GNAL: variants seen among roughly 807,000 people sequenced by gnomAD.
The protein encoded by GNAL is G protein subunit alpha L.
GNAL carries 18 observed loss-of-function variants against 55.1 expected under a neutral mutation model. That is an observed-to-expected ratio of 0.33 (90% CI 0.23 to 0.48). GNAL has a LOEUF of 0.48. GNAL is among the 20% of genes least tolerant of loss of function. The pLI, the probability that GNAL is intolerant of heterozygous loss-of-function variation, is 0.99. For missense variants in GNAL, 412 were observed against 614.1 expected (o/e 0.67, Z 3.48); for synonymous variants, 253 against 237.0 (o/e 1.07, Z -0.62).
chr18:11,703,826 CA>C (rs2031641710), intron 1 of GNAL, among the ~76,000 whole-genome samples: 1 of 151,584 alleles, frequency 6.6e-6, no homozygotes. Flanking sequence ...CACACACACA[CA>C]CACACACAGT....
intron 1 of GNAL, among the ~76,000 whole-genome samples, chr18:11,702,635 G>A (rs2031600090): frequency 6.6e-6 from 1 of 152,122 alleles, no homozygotes; most frequent in African/African-American, 2.4e-5. Flanking sequence ...GCTGTCTCAG[G>A]AGCTGTTCTG....
chr18:11,767,718 CTG>C (rs2143239231), intron 4 of GNAL, among the ~76,000 whole-genome samples: 1 of 152,320 alleles, frequency 6.6e-6, no homozygotes, highest in South Asian at 2.1e-4. Context: ...CGCTTGCTGT[CTG>C]TGCACGCTTA....
intron 5 of GNAL, among the ~76,000 whole-genome samples, chr18:11,861,386 T>C (rs969995340): frequency 2.0e-5 from 3 of 152,104 alleles, no homozygotes; most frequent in Admixed American, 6.5e-5. Context: ...CCCTCAATGG[T>C]CACCTGTCCC....
At chr18:11,801,895 G>T (rs989395302) in intron 4 of GNAL, among the ~76,000 whole-genome samples, 4 of 152,108 alleles carry the variant, frequency 2.6e-5, no homozygotes, top group African/African-American at 9.7e-5. Flanking sequence ...AGTTTAAGAT[G>T]TGCATTAGAC....
At chr18:11,863,765 T>C (rs1252516643) in intron 6 of GNAL, among the ~76,000 whole-genome samples, 1 of 152,104 alleles carries the variant, frequency 6.6e-6, no homozygotes, top group African/African-American at 2.4e-5. Context: ...GAAACAGAAA[T>C]GTGCAGGGAA....
At chr18:11,790,664 T>C (rs1310927291) in intron 4 of GNAL, among the ~76,000 whole-genome samples, 2 of 142,664 alleles carry the variant, frequency 1.4e-5, no homozygotes, top group Non-Finnish European at 3.1e-5. Context: ...TTTTTTTCTT[T>C]TTTTTTTTTT....
At chr18:11,716,608 C>G (rs1163078845) in intron 1 of GNAL, among the ~76,000 whole-genome samples, 2 of 152,124 alleles carry the variant, frequency 1.3e-5, no homozygotes, top group Admixed American at 6.5e-5. Flanking sequence ...GGTGCATTTA[C>G]AATCCCTGAG....
chr18:11,827,074 G>GCT (rs1275804018), intron 5 of GNAL, among the ~76,000 whole-genome samples: 1 of 152,192 alleles, frequency 6.6e-6, no homozygotes, highest in African/African-American at 2.4e-5. Context: ...AAGGAGGAGG[G>GCT]CTGATGGTCC....
chr18:11,717,597 A>C (rs761388372), intron 1 of GNAL, among the ~76,000 whole-genome samples: 6 of 152,250 alleles, frequency 3.9e-5, no homozygotes, highest in Non-Finnish European at 5.9e-5. Context: ...ACACCATGGA[A>C]TATTATGCAG....
rs150690965 is a variant in GNAL at position 11,803,224 on chromosome 18, C to T, written c.625-21694C>T. 3.2e-4 allele frequency among the ~76,000 whole-genome samples: 49 copies of T among 152,308 alleles called. No homozygotes were observed. The East Asian group carries it at 8.9e-3, about 28-fold the overall frequency. ...AAAATGAAACTTTGTGCTCATGAGA[C>T]AACTCCCAACTCCTTCCTCCCCACA... On this transcript the variant is annotated intron_variant, in intron 4 of 11. Transcript: ENST00000334049.
chr18:11,721,945 C>G (rs1310364682), intron 1 of GNAL, among the ~76,000 whole-genome samples: 1 of 151,552 alleles, frequency 6.6e-6, no homozygotes, highest in Non-Finnish European at 1.5e-5. Context: ...ATAAAATAGT[C>G]TCACCATAGC....
At chr18:11,856,297 A>G (rs930210686) in intron 5 of GNAL, among the ~76,000 whole-genome samples, 2 of 151,518 alleles carry the variant, frequency 1.3e-5, no homozygotes, top group South Asian at 2.1e-4. Context: ...TGCAAATTCC[A>G]TAGGGAGCCC....
At chr18:11,813,072 G>A (rs2034859774) in intron 4 of GNAL, among the ~76,000 whole-genome samples, 1 of 151,928 alleles carries the variant, frequency 6.6e-6, no homozygotes, top group Admixed American at 6.6e-5. Flanking sequence ...TGGCCAACAT[G>A]CTGAAACCCC....
At chr18:11,774,758 G>A (rs1030803771) in intron 4 of GNAL, among the ~76,000 whole-genome samples, 7 of 152,178 alleles carry the variant, frequency 4.6e-5, no homozygotes, top group Non-Finnish European at 8.8e-5. Flanking sequence ...TAAGAATCAC[G>A]GGTCCAGGTT....
chr18:11,785,844 G>A (rs2143389646), intron 4 of GNAL, among the ~76,000 whole-genome samples: 1 of 152,292 alleles, frequency 6.6e-6, no homozygotes, highest in South Asian at 2.1e-4. Flanking sequence ...GTGTTGAGCT[G>A]TTATTGAAGG....
chr18:11,827,561 C>T (rs1462469458), intron 5 of GNAL, among the ~76,000 whole-genome samples: 1 of 151,990 alleles, frequency 6.6e-6, no homozygotes, highest in Admixed American at 6.6e-5. Flanking sequence ...GGCAGTGAGC[C>T]GAGATTGTAC....
intron 1 of GNAL, among the ~76,000 whole-genome samples, chr18:11,714,809 T>C (rs188020857): frequency 0.013 from 1,967 of 152,310 alleles, 30 homozygotes; most frequent in African/African-American, 0.045. Flanking sequence ...AACTTTCCCT[T>C]TGGCATAGTG....
intron 7 of GNAL, among the ~76,000 whole-genome samples, chr18:11,866,451 T>G (rs111456605): frequency 2.7e-5 from 4 of 150,042 alleles, no homozygotes; most frequent in Non-Finnish European, 4.4e-5. Context: ...TCTGGGTAGG[T>G]AGAAACTCTC....
rs147684677 is a variant in GNAL, at chr18:11,717,651, G to A, written c.376+27712G>A. On this transcript the variant is annotated intron_variant, in intron 1 of 11. Transcript: ENST00000334049. ...GGTCATGTCCTTTGCAGGAACATGG[G>A]TGGAGCTGGAATCCATTATCCTTAG... Among the ~76,000 whole-genome samples, 1,145 of 152,310 alleles carry A rather than the reference G, an allele frequency of 7.5e-3. 13 individuals carry two copies. Among genetic ancestry groups the A allele is most frequent in the African/African-American group, 0.026 (1,081 of 41,556 alleles).
Sources: allele counts gnomAD v4.1 joint callset (sites outside exome capture counted in the v4.1 genomes callset), GRCh38; gene constraint gnomAD v4.1.1; transcripts MANE v1.5; gene names NCBI Gene and HGNC (gene_info 2026-07-23, HGNC 2026-07-21).